The following MYCBPAP variants were observed in gnomAD, a reference collection of about 807,000 sequenced individuals.
MYCBPAP encodes the protein MYCBP-associated protein.
In MYCBPAP, 60 loss-of-function variants were observed where a neutral mutation model predicts 106.1. The observed-to-expected ratio is 0.57, with a 90% CI of 0.46 to 0.70. The LOEUF is 0.70. Ranked by LOEUF, MYCBPAP falls within the 30% of genes least tolerant of loss-of-function variation. The pLI, the probability that MYCBPAP is intolerant of heterozygous loss-of-function variation, is 0.00. For missense variants in MYCBPAP, 1,064 were observed against 1,169.3 expected (o/e 0.91, Z 1.31); for synonymous variants, 407 against 440.6 (o/e 0.92, Z 0.95).
chr17:50,519,141 G>A (rs1295652129), intron 6 of MYCBPAP, 52 bp downstream of exon 6: 5 of 1,304,592 alleles, frequency 3.8e-6, no homozygotes, highest in Admixed American at 4.0e-5. Context: ...ATGGAGGAGG[G>A]GGCGGGGGCA....
chr17:50,513,853 G>A (rs887584579), intron 1 of MYCBPAP, among the ~76,000 whole-genome samples: 1 of 152,156 alleles, frequency 6.6e-6, no homozygotes, highest in African/African-American at 2.4e-5. Flanking sequence ...GGAGAAGGGA[G>A]GTAGAAATCA....
At position 50,517,626 on chromosome 17, in the gene MYCBPAP, G is replaced by C; in HGVS notation, c.396G>C (p.Gln132His). The C allele has an allele frequency of 6.2e-7, 1 of 1,614,170 alleles. No individual in the cohort carries two copies. ...GPGDSFDGSD[Q>H]ILPHHILGSL... ...GTGACAGCTTCGATGGCAGTGACCA[G>C]ATCCTGCCCCACCACATCTTGGGGA... The change falls in exon 4 of 19, where the codon CAG becomes CAC. Residue 132 changes from glutamine to histidine, a missense_variant. Coordinates refer to ENST00000323776, the MANE Select transcript of MYCBPAP (RefSeq NM_032133.6).
At chr17:50,520,514 T>G (rs1389366165) in intron 7 of MYCBPAP, among the ~76,000 whole-genome samples, 1 of 143,316 alleles carries the variant, frequency 7.0e-6, no homozygotes, top group East Asian at 2.1e-4. Context: ...TTAAAATAAA[T>G]AAATAAATAA....
intron 10 of MYCBPAP, 35 bp downstream of exon 10, chr17:50,522,116 C>T (rs2034281254): frequency 1.3e-6 from 2 of 1,574,018 alleles, no homozygotes; most frequent in Non-Finnish European, 8.7e-7. Flanking sequence ...CTGGGAGAGC[C>T]TCCCTCAGGG....
At position 50,508,485 on chromosome 17, in the gene MYCBPAP, G is replaced by T; in HGVS notation, c.-190G>T. On this transcript the variant is annotated 5_prime_UTR_variant, in exon 1 of 19. Coordinates refer to ENST00000323776, the MANE Select transcript of MYCBPAP (RefSeq NM_032133.6). ...GCTCTTGAAGCCGCCGGCGGCGGGC[G>T]CGTGCGCGGCCCGATGAAGAAGGAG... 1 of 1,462,390 alleles carries T rather than the reference G, an allele frequency of 6.8e-7. No homozygotes were observed. Among genetic ancestry groups the T allele is most frequent in the Non-Finnish European group, 9.1e-7 (1 of 1,093,018 alleles). The allele number at this position is 1,462,390 out of a possible 1,614,324, so 90.6% of individuals were successfully genotyped here.
At chr17:50,510,533 A>ATATG (rs1555618092) in intron 1 of MYCBPAP, 3 of 130,916 alleles carry the variant, frequency 2.3e-5, no homozygotes, top group Non-Finnish European at 3.2e-5. Context: ...ATATATATAT[A>ATATG]TATGTATTTT....
chr17:50,508,537 G>T lies in MYCBPAP; in HGVS notation c.-138G>T. 2 of 1,538,990 alleles carry T rather than the reference G, an allele frequency of 1.3e-6. No individual in the cohort carries two copies. Among genetic ancestry groups the T allele is most frequent in the South Asian group, 2.4e-5 (2 of 83,146 alleles). ...TTTCCAAGCCGTCTCCGCCCAAGTT[G>T]ATCGGTGGATGCGCGCCCCCGCGCG... On this transcript the variant is annotated 5_prime_UTR_variant, in exon 1 of 19. Transcript: ENST00000323776.
At position 50,526,262 on chromosome 17, in the gene MYCBPAP, A is replaced by C. The variant is rs1163632231; in HGVS notation, c.2164A>C (p.Arg722=). 6.2e-7 allele frequency: 1 copy of C among 1,600,816 alleles called. No homozygotes were observed. Among genetic ancestry groups the C allele is most frequent in the Admixed American group, 1.7e-5 (1 of 57,708 alleles). The part of the protein sequence containing the change: ...LEWNLCLEDF[R]KAVMVLPDEN... Reference sequence around the variant, plus strand: ...GTGGAACCTCTGCTTGGAGGACTTCAGAAAGGTGCTTCCAAGACCCTGGAA... The same window carrying C: ...GTGGAACCTCTGCTTGGAGGACTTCCGAAAGGTGCTTCCAAGACCCTGGAA... The change falls in exon 14 of 19, where the codon AGA becomes CGA. Residue 722 remains arginine (R), a synonymous_variant. Coordinates refer to ENST00000323776, the MANE Select transcript of MYCBPAP (RefSeq NM_032133.6).
chr17:50,517,539 C>G (rs2034097185), intron 3 of MYCBPAP, 56 bp from the exon 4 acceptor site: 2 of 1,613,342 alleles, frequency 1.2e-6, no homozygotes, highest in Non-Finnish European at 8.5e-7. Context: ...GAAAGTTGCC[C>G]TCTTGAAAGT....
At position 50,524,737 on chromosome 17, in the gene MYCBPAP, T is replaced by TGTGTGTGTGTGTGTGTGTGTGA. The variant is rs373928628; in HGVS notation, c.1636-139_1636-138insTGTGTGTGTGTGTGTGTGTGAG. On this transcript the variant is annotated intron_variant, in intron 12 of 18. Transcript: ENST00000323776. ...GTGTGTGTGTGTGTGTGTGTGTGTG[T>TGTGTGTGTGTGTGTGTGTGTGA]GAGAGAGAGAGAGAGAGAGAGACAA... The TGTGTGTGTGTGTGTGTGTGTGA allele has an allele frequency of 1.6e-3, 732 of 463,364 alleles. 1 individual carries two copies. The highest frequency in any genetic ancestry group is 8.6e-3 in the South Asian group (370 of 42,930). 28.7% of individuals were successfully genotyped at this position (463,364 alleles called of 1,614,324 possible).
rs748729254 is a variant in MYCBPAP, at chr17:50,523,138, A to G, written c.1447+10A>G. Reference sequence around the variant, plus strand: ...TTTGACAACCGGGAAGGTACTCGGGAGAAGCCACCCTATGTGCTAGCTCCT... The same window carrying G: ...TTTGACAACCGGGAAGGTACTCGGGGGAAGCCACCCTATGTGCTAGCTCCT... On this transcript the variant is annotated intron_variant, in intron 11 of 18. Transcript: ENST00000323776. 47 of 1,611,532 alleles carry G rather than the reference A, an allele frequency of 2.9e-5. No individual in the cohort carries two copies. In the Admixed American group the frequency reaches 6.2e-4, roughly 21 times the overall value.
chr17:50,527,535 C>A, intron 15 of MYCBPAP, 127 bp downstream of exon 15: 1 of 1,247,364 alleles, frequency 8.0e-7, no homozygotes, highest in Non-Finnish European at 1.1e-6. Context: ...TAGAGCATGC[C>A]GCAAACATTC....
chr17:50,527,514 G>A, intron 15 of MYCBPAP, 106 bp downstream of exon 15: 1 of 1,453,584 alleles, frequency 6.9e-7, no homozygotes, highest in Non-Finnish European at 9.3e-7. Flanking sequence ...CTTCCGTTGA[G>A]CTCAGGTTGC....
Position 50,528,748 on chromosome 17 carries a change from AAGG to A in MYCBPAP, c.2467_2469del (p.Glu823del), listed in dbSNP as rs1345251538. ...GAAGGTACCTGTGGGGAAAGCTGGG[AAGG>A]AGGAGCGGAAAGGAGCAGCCCAGGA... On this transcript the variant is annotated inframe_deletion, in exon 17 of 19. Coordinates refer to ENST00000323776, the MANE Select transcript of MYCBPAP (RefSeq NM_032133.6). 1.2e-6 allele frequency: 2 copies of A among 1,613,940 alleles called. No homozygotes were observed. The highest frequency in any genetic ancestry group is 1.3e-5 in the African/African-American group (1 of 74,894).
rs2034241894 is a variant in MYCBPAP at position 50,521,109 on chromosome 17, G to C, written c.917-1G>C. On this transcript the variant is annotated splice_acceptor_variant, in intron 7 of 18. Coordinates refer to ENST00000323776, the MANE Select transcript of MYCBPAP (RefSeq NM_032133.6). LOFTEE classifies it high-confidence loss of function. ...CTGAGGGTCCTTGGACCTCATGCTA[G>C]GATTACCAGCCCAGAGGGACGCTTC... 1 of 1,610,186 alleles carries C rather than the reference G, an allele frequency of 6.2e-7. No homozygotes were observed. Among genetic ancestry groups the C allele is most frequent in the African/African-American group, 1.3e-5 (1 of 74,870 alleles).
chr17:50,509,802 A>G (rs1476605814), intron 1 of MYCBPAP: 1 of 152,360 alleles, frequency 6.6e-6, no homozygotes, highest in Non-Finnish European at 1.5e-5. Flanking sequence ...TCTAATGAAC[A>G]CCTGGAGGAG....
chr17:50,520,647 TTC>T (rs2034225608), intron 7 of MYCBPAP, among the ~76,000 whole-genome samples: 2 of 152,326 alleles, frequency 1.3e-5, no homozygotes, highest in Non-Finnish European at 2.9e-5. Flanking sequence ...GTGGTTTGCA[TTC>T]TGTTTCTCTT....
intron 13 of MYCBPAP, among the ~76,000 whole-genome samples, chr17:50,525,659 C>CTCTTTTTTTTTTTTTTTTTTTTT (rs57947501): frequency 7.6e-6 from 1 of 131,362 alleles, no homozygotes. Context: ...GCTAATTTCT[C>CTCTTTTTTTTTTTTTTTTTTTTT]TTTTTTTTTT....
At chr17:50,529,636 C>T (rs987134324) in intron 18 of MYCBPAP, 26 of 418,048 alleles carry the variant, frequency 6.2e-5, no homozygotes, top group South Asian at 3.3e-4. Context: ...TGAGAAGTCA[C>T]GCAAGGTTTT....
Sources: allele counts gnomAD v4.1 joint callset (sites outside exome capture counted in the v4.1 genomes callset), GRCh38; gene constraint gnomAD v4.1.1; transcripts MANE v1.5; gene names NCBI Gene and HGNC (gene_info 2026-07-23, HGNC 2026-07-21).